The following PCDHA6 variants were observed in gnomAD, a reference collection of about 807,000 sequenced individuals.
PCDHA6 encodes the protein protocadherin alpha-6.
In PCDHA6, 55 loss-of-function variants were observed where a neutral mutation model predicts 60.3. The observed-to-expected ratio is 0.91, with a 90% CI of 0.73 to 1.14. The LOEUF (loss-of-function observed/expected upper bound fraction) is 1.14. Among genes scored for constraint, PCDHA6 ranks in the 50% most tolerant of loss-of-function variants. The pLI, the probability that PCDHA6 is intolerant of heterozygous loss-of-function variation, is 0.00. For missense variants in PCDHA6, 1,327 were observed against 1,256.5 expected (o/e 1.06, Z -0.85); for synonymous variants, 652 against 557.9 (o/e 1.17, Z -2.38).
At chr5:140,974,724 C>T (rs893225073) in intron 1 of PCDHA6, among the ~76,000 whole-genome samples, 11 of 152,168 alleles carry the variant, frequency 7.2e-5, no homozygotes, top group Admixed American at 2.6e-4. Flanking sequence ...TGCTCTCGAA[C>T]TCCTGTCTCC....
At chr5:140,870,496 G>A in intron 1 of PCDHA6, 1 of 1,614,234 alleles carries the variant, frequency 6.2e-7, no homozygotes, top group Non-Finnish European at 8.5e-7. Flanking sequence ...GTTCGTGAAG[G>A]AGAACAACCC....
chr5:140,901,588 T>A (rs1245761513), intron 1 of PCDHA6, among the ~76,000 whole-genome samples: 1 of 152,176 alleles, frequency 6.6e-6, no homozygotes, highest in Non-Finnish European at 1.5e-5. Flanking sequence ...TGCCATGATG[T>A]TTTGGTTACT....
chr5:140,838,085 T>A (rs1166468292), intron 1 of PCDHA6, among the ~76,000 whole-genome samples: 6 of 64,192 alleles, frequency 9.3e-5, no homozygotes, highest in Non-Finnish European at 1.9e-4. Context: ...ATAGTGTGTG[T>A]GTGTGTGTGT....
chr5:140,878,318 C>T (rs2057536608), intron 1 of PCDHA6, among the ~76,000 whole-genome samples: 1 of 152,176 alleles, frequency 6.6e-6, no homozygotes, highest in African/African-American at 2.4e-5. Context: ...TAGACATTTT[C>T]ACATTATATT....
At chr5:140,857,985 T>C (rs1554150982) in intron 1 of PCDHA6, 4 of 1,596,676 alleles carry the variant, frequency 2.5e-6, no homozygotes, top group South Asian at 2.2e-5. Flanking sequence ...CGCCAGCGCC[T>C]ACTGGTGCTG....
intron 1 of PCDHA6, among the ~76,000 whole-genome samples, chr5:140,917,324 C>CGGGGGG (rs1299895515): frequency 3.9e-5 from 3 of 76,174 alleles, no homozygotes; most frequent in East Asian, 7.2e-4. Flanking sequence ...GTTCATGTGG[C>CGGGGGG]GGGGGAGGGG....
At chr5:140,953,025 G>A (rs1408416785) in intron 1 of PCDHA6, among the ~76,000 whole-genome samples, 9 of 152,024 alleles carry the variant, frequency 5.9e-5, no homozygotes, top group African/African-American at 1.9e-4. Flanking sequence ...ACATTAAGGG[G>A]GAAATCCACC....
At chr5:140,924,903 AAATAAAAT>A (rs1318660055) in intron 1 of PCDHA6, among the ~76,000 whole-genome samples, 2 of 54,856 alleles carry the variant, frequency 3.6e-5, no homozygotes, top group African/African-American at 8.4e-5. Context: ...TCAAAAAAAA[AAATAAAAT>A]AAAATAAAAT....
At chr5:140,898,059 G>C (rs372963837) in intron 1 of PCDHA6, among the ~76,000 whole-genome samples, 2 of 151,948 alleles carry the variant, frequency 1.3e-5, no homozygotes, top group Non-Finnish European at 1.5e-5. Flanking sequence ...TTGTAAATTT[G>C]TTTGAGTTCA....
chr5:140,849,883 T>C lies in PCDHA6; in HGVS notation c.2394+19398T>C, dbSNP rs2150456208. The C allele has an allele frequency of 4.4e-6, 7 of 1,598,290 alleles. No homozygotes were observed. Among genetic ancestry groups the C allele is most frequent in the Non-Finnish European group, 6.0e-6 (7 of 1,167,932 alleles). ...TTCGCGCAGTCCGAGTACACGGTGTTCGTGAAGGAGAACAACCCGCCGGGC... is the reference window on the plus strand; with the variant it reads ...TTCGCGCAGTCCGAGTACACGGTGTCCGTGAAGGAGAACAACCCGCCGGGC... On this transcript the variant is annotated intron_variant, in intron 1 of 3. Transcript: ENST00000529310.
intron 1 of PCDHA6, chr5:140,843,069 G>A (rs2150351711): frequency 5.6e-6 from 9 of 1,595,200 alleles, no homozygotes; most frequent in Admixed American, 1.7e-5. Flanking sequence ...CTGGTGCCGC[G>A]GTCTGTGGGC....
At chr5:140,996,752 GT>G (rs1406262736) in intron 3 of PCDHA6, among the ~76,000 whole-genome samples, 2 of 152,208 alleles carry the variant, frequency 1.3e-5, no homozygotes, top group East Asian at 3.9e-4. Flanking sequence ...AATTATATCT[GT>G]GCAGGACTAA....
Position 140,884,183 on chromosome 5 carries a change from G to T in PCDHA6, c.2394+53698G>T, listed in dbSNP as rs201206731. 6.2e-6 allele frequency: 10 copies of T among 1,613,306 alleles called. No individual in the cohort carries two copies. The East Asian group carries it at 6.7e-5, about 11-fold the overall frequency. The stretch of plus-strand genomic sequence containing the variant: ...GATCAGCACGACGCGCCCTCTGGAC[G>T]AGGTGGACGCGCCGCACCACCGCCT... On this transcript the variant is annotated intron_variant, in intron 1 of 3. Transcript: ENST00000529310.
At chr5:140,928,350 T>A in intron 1 of PCDHA6, 1 of 1,614,098 alleles carries the variant, frequency 6.2e-7, no homozygotes, top group Non-Finnish European at 8.5e-7. Context: ...AGCTGTTGGA[T>A]GTTATCTCTG....
At position 140,842,875 on chromosome 5, in the gene PCDHA6, C is replaced by T. The variant is rs2150347019; in HGVS notation, c.2394+12390C>T. ...TGCACACGGAGAGCGGCAAGGTGTA[C>T]GCGCTGCAGCCGCTGGACCACGAGG... is the stretch of plus-strand genomic sequence containing the variant. On this transcript the variant is annotated intron_variant, in intron 1 of 3. Transcript: ENST00000529310. 2.5e-6 allele frequency: 4 copies of T among 1,593,864 alleles called. No homozygotes were observed. In the African/African-American group the frequency reaches 4.0e-5, roughly 16 times the overall value.
intron 1 of PCDHA6, among the ~76,000 whole-genome samples, chr5:140,975,269 T>A (rs1348655604): frequency 1.3e-5 from 2 of 152,252 alleles, no homozygotes; most frequent in African/African-American, 4.8e-5. Context: ...CTGATTTCTG[T>A]CTCTGACCTC....
intron 1 of PCDHA6, chr5:140,858,328 G>A (rs782462952): frequency 3.1e-6 from 5 of 1,596,534 alleles, no homozygotes; most frequent in East Asian, 2.2e-5. Context: ...GTTCTGGGGA[G>A]GGCCTGCCCA....
chr5:140,852,638 T>C lies in PCDHA6; in HGVS notation c.2394+22153T>C. 5 of 960,950 alleles carry C rather than the reference T, an allele frequency of 5.2e-6. 1 individual carries two copies. Among genetic ancestry groups the C allele is most frequent in the Non-Finnish European group, 6.3e-6 (5 of 795,190 alleles). The allele number at this position is 960,950 out of a possible 1,614,324, so 59.5% of individuals were successfully genotyped here. On this transcript the variant is annotated intron_variant, in intron 1 of 3. Coordinates refer to ENST00000529310, the MANE Select transcript of PCDHA6 (RefSeq NM_018909.4). ...TTGAGTGGTCTCTGAGCTCCTGTCA[T>C]TAAACCTATCTATATCTGTCTATCA...
At chr5:140,992,236 G>A (rs1431521103) in intron 3 of PCDHA6, among the ~76,000 whole-genome samples, 1 of 152,168 alleles carries the variant, frequency 6.6e-6, no homozygotes, top group African/African-American at 2.4e-5. Context: ...GAAGAGTAAG[G>A]AAGGAAGTAG....
Sources: gnomAD v4.1 joint callset for allele counts (sites outside exome capture counted in the v4.1 genomes callset) on GRCh38, gnomAD v4.1.1 for gene constraint, MANE v1.5 for transcripts, NCBI Gene and HGNC (gene_info 2026-07-23, HGNC 2026-07-21) for gene names.